EPS8: variants seen among roughly 807,000 people sequenced by gnomAD.
EPS8 encodes the protein epidermal growth factor receptor kinase substrate 8.
In EPS8, 42 loss-of-function variants were observed where a neutral mutation model predicts 103.8. The observed-to-expected ratio is 0.40, with a 90% CI of 0.32 to 0.52. The LOEUF (loss-of-function observed/expected upper bound fraction) is 0.52, where lower values mean the gene tolerates loss of function less well. EPS8 is among the 20% of genes least tolerant of loss of function. EPS8 has a pLI of 0.40. For missense variants in EPS8, 969 were observed against 1,005.1 expected (o/e 0.96, Z 0.49); for synonymous variants, 344 against 344.6 (o/e 1.00, Z 0.02).
At chr12:15,663,944 A>AT (rs1264237107) in intron 8 of EPS8, among the ~76,000 whole-genome samples, 6,578 of 85,720 alleles carry the variant, frequency 0.077, 803 homozygotes, top group South Asian at 0.13. Context: ...AAAAAAAAAA[A>AT]AATAATATAT....
chr12:15,740,858 T>C (rs1946813827), intron 1 of EPS8, among the ~76,000 whole-genome samples: 1 of 152,210 alleles, frequency 6.6e-6, no homozygotes, highest in Non-Finnish European at 1.5e-5. Context: ...ATGCATCATG[T>C]CCACAACCAT....
rs1035458070 is a variant in EPS8, at chr12:15,684,802, C to G, written c.-21-1830G>C. Among the ~76,000 whole-genome samples, 1 of 152,188 alleles carries G rather than the reference C, an allele frequency of 6.6e-6. No homozygotes were observed. The highest frequency in any genetic ancestry group is 1.5e-5 in the Non-Finnish European group (1 of 68,026). ...AGCTTTCCTATCCACTGCTTAAAAG[C>G]ACATTTATAAATTAAGAAGCAAAGA... On this transcript the variant is annotated intron_variant, in intron 1 of 20. Transcript: ENST00000281172. The surrounding 1 kb of genome is among the most constrained non-coding windows in gnomAD (Gnocchi z 4.9).
At chr12:15,730,533 C>A (rs918483618) in intron 1 of EPS8, among the ~76,000 whole-genome samples, 1 of 152,062 alleles carries the variant, frequency 6.6e-6, no homozygotes, top group African/African-American at 2.4e-5. Context: ...TAGAACTAGA[C>A]TATAATTGTC....
chr12:15,782,070 C>T (rs761094565), intron 1 of EPS8: 1 of 152,122 alleles, frequency 6.6e-6, no homozygotes, highest in Non-Finnish European at 1.5e-5. Context: ...ATCAATAACA[C>T]AAAATGTATA....
chr12:15,679,998 C>T (rs1475452813), intron 3 of EPS8, among the ~76,000 whole-genome samples: 2 of 152,132 alleles, frequency 1.3e-5, no homozygotes, highest in Admixed American at 1.3e-4. Flanking sequence ...GTTCTGTACA[C>T]ATATTAATGA....
chr12:15,624,081 G>A (rs959725934), intron 19 of EPS8, 146 bp downstream of exon 19: 4 of 613,324 alleles, frequency 6.5e-6, no homozygotes, highest in African/African-American at 3.8e-5. Flanking sequence ...GCTATGAACA[G>A]CTATAGTGAG....
chr12:15,645,760 A>G (rs951801984), intron 15 of EPS8, among the ~76,000 whole-genome samples: 6 of 152,152 alleles, frequency 3.9e-5, no homozygotes, highest in African/African-American at 1.4e-4. Flanking sequence ...TATTCATCCA[A>G]TCCATCAATC....
rs745328740 is a variant in EPS8, at chr12:15,681,331, A to AATAATG, written c.60-30_60-29insCATTAT. ...TAATAATAATAATAATAATAATAATAATAATATAAAAAGGTCATTGTGTTG... is the reference window on the plus strand; with the variant it reads ...TAATAATAATAATAATAATAATAATAATAATGATAATATAAAAAGGTCATTGTGTTG... On this transcript the variant is annotated intron_variant, in intron 2 of 20. Coordinates refer to ENST00000281172, the MANE Select transcript of EPS8 (RefSeq NM_004447.6). The AATAATG allele has an allele frequency of 1.8e-4, 179 of 979,034 alleles. 1 individual carries two copies. Among genetic ancestry groups the AATAATG allele is most frequent in the Non-Finnish European group, 2.2e-4 (164 of 731,646 alleles). 60.6% of individuals were successfully genotyped at this position (979,034 alleles called of 1,614,324 possible).
In EPS8 at chr12:15,640,804, T is replaced by C. The variant is rs1945215486; in HGVS notation, c.1720A>G (p.Ser574Gly). The change falls in exon 17 of 21, where the codon AGT becomes GGT. Residue 574 changes from serine to glycine, a missense_variant. Coordinates refer to ENST00000281172, the MANE Select transcript of EPS8 (RefSeq NM_004447.6). ...RKQWWKVRNASGDSGFVPNNI... is the reference protein window; with the variant it reads ...RKQWWKVRNAGGDSGFVPNNI... ...TTTGGCACAAATCCAGAGTCTCCAC[T>C]TGCATTTCGAACTTTCCACCATTGC... 2 of 1,613,812 alleles carry C rather than the reference T, an allele frequency of 1.2e-6. No homozygotes were observed. The highest frequency in any genetic ancestry group is 4.5e-5 in the East Asian group (2 of 44,872).
At chr12:15,623,498 A>C (rs1438653464) in intron 19 of EPS8, among the ~76,000 whole-genome samples, 1 of 152,168 alleles carries the variant, frequency 6.6e-6, no homozygotes, top group African/African-American at 2.4e-5. Flanking sequence ...TATTAATTAC[A>C]AAGTATCAAA....
Position 15,716,871 on chromosome 12 carries a change from C to T in EPS8, c.-21-33899G>A, listed in dbSNP as rs1291551665. On this transcript the variant is annotated intron_variant, in intron 1 of 20. Transcript: ENST00000281172. This position sits in a 1 kb window ranked among gnomAD's most constrained non-coding sequence, Gnocchi z 5.0. Reference sequence around the variant, plus strand: ...ACTTTCAGTTCCTGTACTGTTCAACCCCAATTCCTCATCGGTCCTTCATTC... The same window carrying T: ...ACTTTCAGTTCCTGTACTGTTCAACTCCAATTCCTCATCGGTCCTTCATTC... 6.6e-6 allele frequency among the ~76,000 whole-genome samples: 1 copy of T among 152,144 alleles called. No individual in the cohort carries two copies. The highest frequency in any genetic ancestry group is 1.5e-5 in the Non-Finnish European group (1 of 68,020).
At position 15,690,480 on chromosome 12, in the gene EPS8, C is replaced by A. The variant is rs747428144; in HGVS notation, c.-21-7508G>T. Among the ~76,000 whole-genome samples the A allele has an allele frequency of 6.6e-6, 1 of 152,070 alleles. No individual in the cohort carries two copies. The highest frequency in any genetic ancestry group is 6.5e-5 in the Admixed American group (1 of 15,276). On this transcript the variant is annotated intron_variant, in intron 1 of 20. Transcript: ENST00000281172. The surrounding 1 kb of genome is among the most constrained non-coding windows in gnomAD (Gnocchi z 4.7). The stretch of plus-strand genomic sequence containing the variant: ...TGATAGTCACTATTTCTTATCTCAA[C>A]TTCCTCTCTTCCTGCCTGCCATAAT...
intron 3 of EPS8, among the ~76,000 whole-genome samples, chr12:15,673,095 T>C (rs1356616096): frequency 2.6e-5 from 4 of 152,210 alleles, no homozygotes; most frequent in African/African-American, 9.6e-5. Context: ...AAACATAATT[T>C]ACAGAAATGA....
chr12:15,773,345 G>T (rs1022773130), intron 1 of EPS8, among the ~76,000 whole-genome samples: 6 of 152,030 alleles, frequency 3.9e-5, no homozygotes, highest in Admixed American at 3.9e-4. Context: ...ACTATGCTCT[G>T]GTTTAAGTCA....
chr12:15,732,652 G>T, intron 1 of EPS8: 3 of 410,070 alleles, frequency 7.3e-6, no homozygotes, highest in Non-Finnish European at 9.9e-6. Flanking sequence ...ATTATTTTTT[G>T]GAGAAGTCAA....
chr12:15,733,820 T>C lies in EPS8; in HGVS notation c.-21-50848A>G, dbSNP rs907662943. The stretch of plus-strand genomic sequence containing the variant: ...CTCCACAGCAAGAAATGTAAAAACA[T>C]TGAAAATAATGTAAGCTGGTTTTTA... On this transcript the variant is annotated intron_variant, in intron 1 of 20. Transcript: ENST00000281172. This position sits in a 1 kb window ranked among gnomAD's most constrained non-coding sequence, Gnocchi z 4.8. Among the ~76,000 whole-genome samples the C allele has an allele frequency of 1.3e-5, 2 of 152,176 alleles. No homozygotes were observed. The highest frequency in any genetic ancestry group is 1.9e-4 in the East Asian group (1 of 5,200).
intron 3 of EPS8, 95 bp from the exon 4 acceptor site, chr12:15,671,018 C>A (rs938903894): frequency 3.7e-6 from 3 of 820,436 alleles, no homozygotes; most frequent in Non-Finnish European, 6.2e-6. Flanking sequence ...TAGTCTATCT[C>A]ACATATAAAT....
Position 15,683,144 on chromosome 12 carries a change from T to G in EPS8, c.-21-172A>C, listed in dbSNP as rs143859489. 1.9e-3 allele frequency: 767 copies of G among 409,946 alleles called. 3 individuals carry two copies. The highest frequency in any genetic ancestry group is 0.014 in the African/African-American group (657 of 47,972). The allele number at this position is 409,946 out of a possible 1,614,324, so 25.4% of individuals were successfully genotyped here. ...GGCCCCAGAGGTATAGATGAACATT[T>G]AAACAAAGATCCAACTGGCATTTAA... is the stretch of plus-strand genomic sequence containing the variant. On this transcript the variant is annotated intron_variant, in intron 1 of 20. Coordinates refer to ENST00000281172, the MANE Select transcript of EPS8 (RefSeq NM_004447.6).
At chr12:15,633,930 C>T (rs1337403187) in intron 17 of EPS8, among the ~76,000 whole-genome samples, 1 of 152,198 alleles carries the variant, frequency 6.6e-6, no homozygotes, top group Non-Finnish European at 1.5e-5. Context: ...AGCTTCTCTA[C>T]TCCTCTTTAC....
Sources: gnomAD v4.1 joint callset for allele counts (sites outside exome capture counted in the v4.1 genomes callset) on GRCh38, gnomAD v4.1.1 for gene constraint, Gnocchi (gnomAD v3.1) non-coding constraint, MANE v1.5 for transcripts, NCBI Gene and HGNC (gene_info 2026-07-23, HGNC 2026-07-21) for gene names.